The following FMR1 variants were observed in gnomAD, a reference collection of about 807,000 sequenced individuals.
FMR1 encodes fragile X messenger ribonucleoprotein 1.
FMR1 carries 13 observed loss-of-function variants against 50.6 expected under a neutral mutation model. That is an observed-to-expected ratio of 0.26 (90% CI 0.17 to 0.41). FMR1 has a LOEUF of 0.41. FMR1 is among the 10% of genes least tolerant of loss of function. FMR1 has a pLI of 1.00. For synonymous variants in FMR1, 138 were observed against 164.1 expected (o/e 0.84, Z 1.22); for missense variants, 316 against 491.3 (o/e 0.64, Z 3.37).
intron 14 of FMR1, 47 bp downstream of exon 14, chrX:147,943,373 T>TA: frequency 4.8e-6 from 5 of 1,046,605 alleles, no homozygotes; most frequent in Non-Finnish European, 6.7e-6. Flanking sequence ...TTCCTAGACT[T>TA]ATAGCTGCTA....
At chrX:147,929,591 A>T (rs781917851) in intron 5 of FMR1, among the ~76,000 whole-genome samples, 1 of 110,582 alleles carries the variant, frequency 9.0e-6, no homozygotes, top group African/African-American at 3.3e-5. Flanking sequence ...TAAAAATTAA[A>T]AAAAAAGGAA....
Position 147,950,682 on chromosome X carries a change from T to G in FMR1, c.*1838T>G, listed in dbSNP as rs2044295307. On this transcript the variant is annotated 3_prime_UTR_variant, in exon 17 of 17. Coordinates refer to ENST00000370475, the MANE Select transcript of FMR1 (RefSeq NM_002024.6). ...TTACAAATGATTGCTTTTAAAATTT[T>G]AAGCTAGGAAAAGAAATCTATAGAA... The G allele has an allele frequency of 3.1e-6, 1 of 325,208 alleles. No individual in the cohort carries two copies. The highest frequency in any genetic ancestry group is 2.7e-5 in the South Asian group (1 of 37,378). 26.8% of individuals were successfully genotyped at this position (325,208 alleles called of 1,213,427 possible).
chrX:147,944,361 A>C, intron 14 of FMR1: 4 of 754,336 alleles, frequency 5.3e-6, no homozygotes, highest in Non-Finnish European at 6.3e-6. Context: ...GATCCAATCC[A>C]TGACCCACAA....
At chrX:147,915,831 A>G (rs1176034868) in intron 1 of FMR1, among the ~76,000 whole-genome samples, 1 of 111,791 alleles carries the variant, frequency 8.9e-6, no homozygotes, top group Non-Finnish European at 1.9e-5. Context: ...TAAGTGACTT[A>G]CTACCAAGTG....
chrX:147,944,190 G>A (rs950846718), intron 14 of FMR1: 7 of 750,522 alleles, frequency 9.3e-6, no homozygotes, highest in African/African-American at 7.0e-5. Context: ...CTGCCTCACC[G>A]TGGAGCTCTT....
At chrX:147,924,517 T>TA (rs1569545454) in intron 2 of FMR1, among the ~76,000 whole-genome samples, 20 of 93,043 alleles carry the variant, frequency 2.1e-4, no homozygotes, top group East Asian at 1.9e-3. Context: ...ATATATATAT[T>TA]TTTTTTTTTT....
intron 10 of FMR1, 58 bp from the exon 11 acceptor site, chrX:147,937,407 TA>T (rs2043828681): frequency 1.3e-6 from 1 of 748,827 alleles, no homozygotes; most frequent in South Asian, 2.1e-5. Context: ...CTAATAGAGC[TA>T]AATAAAGTCT....
intron 5 of FMR1, among the ~76,000 whole-genome samples, chrX:147,929,563 A>G (rs1426674784): frequency 9.2e-6 from 1 of 108,399 alleles, no homozygotes; most frequent in Non-Finnish European, 1.9e-5. Flanking sequence ...ATATATACCT[A>G]CTATGTACCC....
chrX:147,912,320 TC>T, intron 1 of FMR1, 90 bp downstream of exon 1: 1 of 898,220 alleles, frequency 1.1e-6, no homozygotes, highest in South Asian at 2.3e-5. Flanking sequence ...GGGGCCCTCT[TC>T]CCGAGCACCG....
In FMR1 at chrX:147,928,405, C is replaced by A. The variant is rs1557177921; in HGVS notation, c.270+12C>A. On this transcript the variant is annotated intron_variant, in intron 4 of 16. Transcript: ENST00000370475. ...TGATAAAGGGTGAGGTAGGAAAATG[C>A]CTATTTAAATTTTTTTCTTATATTG... 3.4e-6 allele frequency: 4 copies of A among 1,167,438 alleles called. No homozygotes were observed. The highest frequency in any genetic ancestry group is 1.2e-6 in the Non-Finnish European group (1 of 856,302).
chrX:147,912,631 G>A, intron 1 of FMR1: 6 of 302,578 alleles, frequency 2.0e-5, no homozygotes, highest in African/African-American at 8.0e-5. Flanking sequence ...CCTGTCGTGT[G>A]GGTAGTTGTG....
intron 16 of FMR1, among the ~76,000 whole-genome samples, chrX:147,945,951 A>C (rs904009446): frequency 8.1e-4 from 91 of 111,924 alleles, no homozygotes; most frequent in African/African-American, 2.9e-3. Context: ...ATCTCGGCTC[A>C]GAGCAACCTC....
At chrX:147,929,612 C>T (rs1213150839) in intron 5 of FMR1, among the ~76,000 whole-genome samples, 3 of 109,712 alleles carry the variant, frequency 2.7e-5, no homozygotes, top group Non-Finnish European at 5.7e-5. Context: ...AAAAAAAGGC[C>T]TGCAACAAGA....
rs1557182788 is a variant in FMR1, at chrX:147,948,995, G to A, written c.*151G>A. 1 of 598,763 alleles carries A rather than the reference G, an allele frequency of 1.7e-6. No homozygotes were observed. Among genetic ancestry groups the A allele is most frequent in the African/African-American group, 2.2e-5 (1 of 45,243 alleles). 49.3% of individuals were successfully genotyped at this position (598,763 alleles called of 1,213,427 possible). A position where few individuals can be genotyped will look rare whatever the true frequency, so the allele number is the denominator to read the frequency against. ...TATGCTAAGAATTTTTTATTTTTTG[G>A]TATTGGCCATAAGCAACAATTTTCA... On this transcript the variant is annotated 3_prime_UTR_variant, in exon 17 of 17. Transcript: ENST00000370475.
chrX:147,925,197 T>C, intron 2 of FMR1: 1 of 200,399 alleles, frequency 5.0e-6, no homozygotes, highest in Non-Finnish European at 9.3e-6. Flanking sequence ...GGTACTAATA[T>C]TCAAATATTG....
chrX:147,914,215 TG>T (rs2042737573), intron 1 of FMR1: 1 of 112,708 alleles, frequency 8.9e-6, no homozygotes, highest in Non-Finnish European at 1.9e-5. Context: ...TGTTAATACT[TG>T]AACAAGTGTG....
chrX:147,940,652 A>G lies in FMR1; in HGVS notation c.1265A>G (p.Asn422Ser), dbSNP rs1603026902. 1 of 1,177,484 alleles carries G rather than the reference A, an allele frequency of 8.5e-7. No individual in the cohort carries two copies. Among genetic ancestry groups the G allele is most frequent in the Non-Finnish European group, 1.2e-6 (1 of 864,278 alleles). ...ACTGTTCTTTTGGATTATCACCTGA[A>G]CTATTTAAAGGTGAGAACAGAAAGA... ...NATVLLDYHL[N>S]YLKEVDQLRL... The change falls in exon 13 of 17, where the codon AAC becomes AGC. Residue 422 changes from asparagine (N) to serine (S), a missense_variant. This residue lies in a region of FMR1 where 15 missense variants were observed against 40.9 expected (regional missense o/e 0.37). Transcript: ENST00000370475.
intron 2 of FMR1, among the ~76,000 whole-genome samples, chrX:147,922,636 G>A (rs1290194151): frequency 6.3e-5 from 7 of 111,842 alleles, no homozygotes; most frequent in Non-Finnish European, 1.3e-4. Context: ...TTTCAGGGTA[G>A]CTGTTGGTAA....
At chrX:147,938,795 G>A (rs969926832) in intron 12 of FMR1, among the ~76,000 whole-genome samples, 10 of 111,796 alleles carry the variant, frequency 8.9e-5, no homozygotes, top group East Asian at 8.4e-4. Context: ...AACGGCAAGT[G>A]GATTGGATAT....
Sources: gnomAD v4.1 joint callset for allele counts (sites outside exome capture counted in the v4.1 genomes callset) on GRCh38, gnomAD v4.1.1 for gene constraint, gnomAD v4.1.1 regional missense constraint, MANE v1.5 for transcripts, NCBI Gene and HGNC (gene_info 2026-07-23, HGNC 2026-07-21) for gene names.